Variants in COL8A1 observed in about 807,000 individuals in gnomAD.
The protein encoded by COL8A1 is collagen type VIII alpha 1 chain, also known as collagen alpha-1(VIII) chain.
A neutral mutation model predicts 42.7 loss-of-function variants in COL8A1; 21 were observed. The ratio of observed to expected loss-of-function variants is 0.49; its 90% CI spans 0.35 to 0.71. The LOEUF (loss-of-function observed/expected upper bound fraction) is 0.71. COL8A1 is among the 30% of genes least tolerant of loss of function. The probability of loss-of-function intolerance (pLI) is 0.01; values close to 1 mark genes in which losing one functional copy is unlikely to be tolerated. For synonymous variants in COL8A1, 367 were observed against 369.1 expected (o/e 0.99, Z 0.06); for missense variants, 788 against 962.4 (o/e 0.82, Z 2.40).
At chr3:99,667,642 C>T (rs1369988621) in intron 1 of COL8A1, among the ~76,000 whole-genome samples, 2 of 152,020 alleles carry the variant, frequency 1.3e-5, no homozygotes, top group African/African-American at 4.8e-5. Context: ...AGACAGGATG[C>T]GCTTAAGGGA....
chr3:99,673,743 A>ACC (rs1322304693), intron 1 of COL8A1, among the ~76,000 whole-genome samples: 7 of 152,046 alleles, frequency 4.6e-5, no homozygotes, highest in South Asian at 2.1e-4. Flanking sequence ...CATAGGTATT[A>ACC]AGATTCAATT....
chr3:99,773,805 A>G (rs1442900278), intron 2 of COL8A1, among the ~76,000 whole-genome samples: 5 of 78,016 alleles, frequency 6.4e-5, no homozygotes, highest in Non-Finnish European at 1.0e-4. Context: ...AGATGATTAT[A>G]TATATGTGTG....
intron 2 of COL8A1, among the ~76,000 whole-genome samples, chr3:99,769,546 T>C (rs1941537388): frequency 6.6e-6 from 1 of 152,236 alleles, no homozygotes; most frequent in Non-Finnish European, 1.5e-5. Flanking sequence ...AATATTAGCA[T>C]CATGTTGCTA....
At chr3:99,707,548 T>C (rs1278095090) in intron 1 of COL8A1, among the ~76,000 whole-genome samples, 1 of 152,094 alleles carries the variant, frequency 6.6e-6, no homozygotes, top group Non-Finnish European at 1.5e-5. Context: ...GCAGGTGTGT[T>C]TAGGAAAAGG....
At chr3:99,764,227 G>C (rs1559630131) in intron 2 of COL8A1, among the ~76,000 whole-genome samples, 1 of 152,250 alleles carries the variant, frequency 6.6e-6, no homozygotes, top group East Asian at 1.9e-4. Context: ...ATTAGAGATT[G>C]TGCCTTATTT....
intron 1 of COL8A1, among the ~76,000 whole-genome samples, chr3:99,660,528 G>C (rs970933297): frequency 2.6e-5 from 4 of 152,132 alleles, no homozygotes; most frequent in Admixed American, 2.6e-4. Flanking sequence ...TGGTGCAAGG[G>C]GGCTGGCAAT....
intron 1 of COL8A1, among the ~76,000 whole-genome samples, chr3:99,655,003 C>A (rs750935093): frequency 2.0e-5 from 3 of 151,996 alleles, no homozygotes; most frequent in Non-Finnish European, 2.9e-5. Context: ...TGTGCCAAGC[C>A]CTGTGCTAGA....
chr3:99,727,440 C>G (rs1463817913), intron 1 of COL8A1, among the ~76,000 whole-genome samples: 1 of 152,072 alleles, frequency 6.6e-6, no homozygotes, highest in African/African-American at 2.4e-5. Flanking sequence ...GCCAGAACTT[C>G]CAACAGTATG....
intron 2 of COL8A1, among the ~76,000 whole-genome samples, chr3:99,783,274 G>A (rs757106134): frequency 5.3e-5 from 8 of 152,186 alleles, no homozygotes; most frequent in South Asian, 2.1e-4. Flanking sequence ...CATTTCTAGC[G>A]CTGGGGGCAC....
At chr3:99,793,009 T>C (rs1416910386) in intron 3 of COL8A1, among the ~76,000 whole-genome samples, 2 of 152,146 alleles carry the variant, frequency 1.3e-5, no homozygotes, top group African/African-American at 2.4e-5. Flanking sequence ...TTTAAAAACT[T>C]TGCCAGGCAC....
At chr3:99,722,731 A>C (rs1415780251) in intron 1 of COL8A1, among the ~76,000 whole-genome samples, 3 of 152,110 alleles carry the variant, frequency 2.0e-5, no homozygotes, top group African/African-American at 4.8e-5. Flanking sequence ...ATCTAGAGGT[A>C]ATGTTCTTGC....
At chr3:99,680,789 A>G (rs1938851704) in intron 1 of COL8A1, among the ~76,000 whole-genome samples, 1 of 152,210 alleles carries the variant, frequency 6.6e-6, no homozygotes, top group Non-Finnish European at 1.5e-5. Context: ...ACCAAAACAG[A>G]GATATAGACC....
At chr3:99,684,443 T>C (rs1446719253) in intron 1 of COL8A1, among the ~76,000 whole-genome samples, 1 of 152,194 alleles carries the variant, frequency 6.6e-6, no homozygotes, top group African/African-American at 2.4e-5. Flanking sequence ...GTTGGGGTAC[T>C]GGCATCATTT....
chr3:99,731,962 C>T lies in COL8A1; in HGVS notation c.-128-12935C>T, dbSNP rs144927661. 7.0e-4 allele frequency among the ~76,000 whole-genome samples: 106 copies of T among 152,170 alleles called. 1 individual carries two copies. The highest frequency in any genetic ancestry group is 2.4e-3 in the African/African-American group (100 of 41,528). ...CCACATAACAAAATGAGAGTGATGC[C>T]TCTACAAGCTGAGAGACAGCAAGGC... is the stretch of plus-strand genomic sequence containing the variant. On this transcript the variant is annotated intron_variant, in intron 1 of 3. Coordinates refer to ENST00000652472, the MANE Select transcript of COL8A1 (RefSeq NM_020351.4).
chr3:99,733,655 T>C (rs904210123), intron 1 of COL8A1, among the ~76,000 whole-genome samples: 4 of 151,906 alleles, frequency 2.6e-5, no homozygotes, highest in African/African-American at 9.7e-5. Flanking sequence ...GTCCTTTGGG[T>C]ATATACCCAG....
chr3:99,773,837 A>ATTATATATATATATATATAT (rs1553682090), intron 2 of COL8A1, among the ~76,000 whole-genome samples: 1 of 45,392 alleles, frequency 2.2e-5, no homozygotes, highest in Non-Finnish European at 3.6e-5. Flanking sequence ...ATATATATAT[A>ATTATATATATATATATATAT]TTTTTTTTTT....
At chr3:99,710,072 T>A (rs534025325) in intron 1 of COL8A1, among the ~76,000 whole-genome samples, 11 of 152,210 alleles carry the variant, frequency 7.2e-5, no homozygotes, top group Non-Finnish European at 1.5e-4. Flanking sequence ...CTGCATTTCA[T>A]CAAGAGTATG....
At chr3:99,721,877 C>A (rs1210479583) in intron 1 of COL8A1, among the ~76,000 whole-genome samples, 1 of 150,604 alleles carries the variant, frequency 6.6e-6, no homozygotes, top group African/African-American at 2.5e-5. Flanking sequence ...AAGATTGCAG[C>A]ACTGGGTTTT....
At chr3:99,761,032 G>C (rs1319187855) in intron 2 of COL8A1, among the ~76,000 whole-genome samples, 2 of 152,186 alleles carry the variant, frequency 1.3e-5, no homozygotes, top group African/African-American at 4.8e-5. Context: ...CCTTGGAAGA[G>C]AGGTAGAAAA....
Sources: allele counts gnomAD v4.1 joint callset (sites outside exome capture counted in the v4.1 genomes callset), GRCh38; gene constraint gnomAD v4.1.1; transcripts MANE v1.5; gene names NCBI Gene and HGNC (gene_info 2026-07-23, HGNC 2026-07-21).